Variants in RBM39 observed in about 807,000 individuals in gnomAD.
RBM39 encodes the protein RNA binding motif protein 39.
In RBM39, 12 loss-of-function variants were observed where a neutral mutation model predicts 79.6. The ratio of observed to expected loss-of-function variants is 0.15; its 90% CI spans 0.10 to 0.24. RBM39 has a LOEUF of 0.24. RBM39 is among the 10% of genes least tolerant of loss of function. The pLI is 1.00. For missense variants in RBM39, 243 were observed against 653.4 expected (o/e 0.37, Z 6.85); for synonymous variants, 185 against 208.4 (o/e 0.89, Z 0.97).
chr20:35,714,948 C>G (rs910363338), intron 10 of RBM39, among the ~76,000 whole-genome samples: 1 of 152,036 alleles, frequency 6.6e-6, no homozygotes, highest in African/African-American at 2.4e-5. Context: ...ACTAAAGTTA[C>G]TAGAATAAAA....
At chr20:35,730,377 G>A (rs547886305) in intron 4 of RBM39, among the ~76,000 whole-genome samples, 1 of 152,050 alleles carries the variant, frequency 6.6e-6, no homozygotes, top group East Asian at 1.9e-4. Context: ...AATACATAGT[G>A]GCCTGTGATC....
chr20:35,713,149 GTTTCCTGGGTCATTAATATCA>G, intron 11 of RBM39, 53 bp from the exon 12 acceptor site: 1 of 1,467,192 alleles, frequency 6.8e-7, no homozygotes, highest in South Asian at 1.2e-5. Flanking sequence ...GAGAAACGAA[GTTTCCTGGGTCATTAATATCA>G]TGATCACTTC....
intron 3 of RBM39, among the ~76,000 whole-genome samples, chr20:35,738,239 G>C (rs2040181660): frequency 1.3e-5 from 2 of 151,810 alleles, no homozygotes. Context: ...CTGCGCTCCA[G>C]CCTGGGCTAC....
intron 3 of RBM39, chr20:35,734,752 A>G (rs2039730203): frequency 1.6e-6 from 2 of 1,242,374 alleles, no homozygotes; most frequent in Non-Finnish European, 2.1e-6. Flanking sequence ...AGACATTCAG[A>G]AAATACAATC....
Position 35,738,466 on chromosome 20 carries a change from C to T in RBM39, c.101+502G>A, listed in dbSNP as rs147397268. Among the ~76,000 whole-genome samples the T allele has an allele frequency of 4.3e-3, 642 of 150,236 alleles. 9 individuals are homozygous for T. The highest frequency in any genetic ancestry group is 0.015 in the African/African-American group (605 of 40,132). On this transcript the variant is annotated intron_variant, in intron 3 of 16. Coordinates refer to ENST00000253363, the MANE Select transcript of RBM39 (RefSeq NM_184234.3). ...TTTAAAAGGCCTAAGATAATGAAAG[C>T]CACCTTTAGAAGTACTTAAGTACCT... is the stretch of plus-strand genomic sequence containing the variant.
chr20:35,738,301 A>G (rs530198371), intron 3 of RBM39, among the ~76,000 whole-genome samples: 54 of 152,360 alleles, frequency 3.5e-4, no homozygotes, highest in Non-Finnish European at 6.9e-4. Context: ...GGATCTCATC[A>G]TATCTGTTAC....
intron 6 of RBM39, among the ~76,000 whole-genome samples, chr20:35,726,458 G>C (rs2146643681): frequency 6.6e-6 from 1 of 152,106 alleles, no homozygotes; most frequent in African/African-American, 2.4e-5. Context: ...CTAAAACAAG[G>C]GTCAACCAGA....
chr20:35,721,114 T>C (rs2037884044), intron 9 of RBM39, among the ~76,000 whole-genome samples: 1 of 152,078 alleles, frequency 6.6e-6, no homozygotes, highest in Non-Finnish European at 1.5e-5. Context: ...CTAATTTTTG[T>C]ATTTTTAACA....
In RBM39 at chr20:35,721,786, T is replaced by C; in HGVS notation, c.779A>G (p.Asn260Ser). 1.2e-6 allele frequency: 2 copies of C among 1,614,222 alleles called. No individual in the cohort carries two copies. The highest frequency in any genetic ancestry group is 8.5e-7 in the Non-Finnish European group (1 of 1,180,026). Residue 260 changes from asparagine to serine, a missense_variant, in exon 9 of 17, where the codon AAC (asparagine) becomes AGC (serine). Asn to Ser is a conservative substitution (Grantham distance 46, BLOSUM62 1). Transcript: ENST00000253363. ...CCCACGAAGCATATCTTCAGTTATG[T>C]TGAAGTGTAATGAGCCCACATAAAG... is the stretch of plus-strand genomic sequence containing the variant. ...MRLYVGSLHF[N>S]ITEDMLRGIF...
rs577034910 is a variant in RBM39, at chr20:35,702,627, T to A, written c.*1854A>T. 6.6e-6 allele frequency: 1 copy of A among 152,242 alleles called. No individual in the cohort carries two copies. Among genetic ancestry groups the A allele is most frequent in the African/African-American group, 2.4e-5 (1 of 41,458 alleles). The allele number at this position is 152,242 out of a possible 1,614,324, so 9.4% of individuals were successfully genotyped here. On this transcript the variant is annotated 3_prime_UTR_variant, in exon 17 of 17. Coordinates refer to ENST00000253363, the MANE Select transcript of RBM39 (RefSeq NM_184234.3). ...CTCTGCCCCAAAGAACTCTGCAGTC[T>A]GGTATTGAAAAGTAAATTTTCAATG...
chr20:35,707,272 C>T (rs1352653898), intron 13 of RBM39, 71 bp from the exon 14 acceptor site: 12 of 1,127,942 alleles, frequency 1.1e-5, no homozygotes, highest in African/African-American at 1.6e-5. Flanking sequence ...TACTTTAAAA[C>T]GAAACCAAAA....
At chr20:35,734,745 C>A in intron 3 of RBM39, 1 of 1,188,522 alleles carries the variant, frequency 8.4e-7, no homozygotes, top group Non-Finnish European at 1.1e-6. Flanking sequence ...CATACTAAGA[C>A]ATTCAGAAAA....
intron 9 of RBM39, among the ~76,000 whole-genome samples, chr20:35,720,750 C>G (rs533929494): frequency 6.6e-5 from 10 of 152,216 alleles, no homozygotes; most frequent in Admixed American, 5.9e-4. Context: ...CCAGCCTGGG[C>G]AGCAGAATAA....
rs768600562 is a variant in RBM39, at chr20:35,701,849, G to C, written c.*2632C>G. ...TTGACCTCATGATCCACCCGCCTCCGCCTCCCAGTGTTCACATATACAGGC... is the reference window on the plus strand; with the variant it reads ...TTGACCTCATGATCCACCCGCCTCCCCCTCCCAGTGTTCACATATACAGGC... On this transcript the variant is annotated 3_prime_UTR_variant, in exon 17 of 17. Transcript: ENST00000253363. The C allele has an allele frequency of 2.6e-5, 4 of 152,046 alleles. No homozygotes were observed. Among genetic ancestry groups the C allele is most frequent in the African/African-American group, 9.7e-5 (4 of 41,374 alleles). 9.4% of individuals were successfully genotyped at this position (152,046 alleles called of 1,614,324 possible). A position where few individuals can be genotyped will look rare whatever the true frequency, so the allele number is the denominator to read the frequency against.
rs570945882 is a variant in RBM39 at position 35,725,122 on chromosome 20, T to C, written c.450A>G (p.Arg150=). 1.9e-6 allele frequency: 3 copies of C among 1,610,902 alleles called. No individual in the cohort carries two copies. Among genetic ancestry groups the C allele is most frequent in the Middle Eastern group, 2.2e-4 (1 of 4,614 alleles). The change falls in exon 7 of 17, where the codon AGA becomes AGG. Residue 150 remains arginine (R), a synonymous_variant. Transcript: ENST00000253363. Reference sequence around the variant, plus strand: ...GCATACAGAAGACTGTCCTTGCATCTCTTTCCTCAGGAGTTAAATTATCAA... The same window carrying C: ...GCATACAGAAGACTGTCCTTGCATCCCTTTCCTCAGGAGTTAAATTATCAA... The part of the protein sequence containing the change: ...EPIDNLTPEE[R]DARTVFCMQL...
At chr20:35,732,186 A>C in intron 3 of RBM39, 51 bp from the exon 4 acceptor site, 9 of 1,495,102 alleles carry the variant, frequency 6.0e-6, no homozygotes, top group Non-Finnish European at 8.4e-6. Flanking sequence ...AACCCACCAA[A>C]ATATACTACC....
At chr20:35,739,780 CAAG>C (rs1318511412) in intron 2 of RBM39, 2 of 259,674 alleles carry the variant, frequency 7.7e-6, no homozygotes, top group African/African-American at 4.5e-5. Context: ...TTAAATCTAT[CAAG>C]AATTCATCCA....
In RBM39 at chr20:35,702,310, CAG is replaced by C. The variant is rs1359046008; in HGVS notation, c.*2169_*2170del. 2.0e-5 allele frequency: 3 copies of C among 152,346 alleles called. No individual in the cohort carries two copies. The highest frequency in any genetic ancestry group is 3.9e-4 in the East Asian group (2 of 5,188). 9.4% of individuals were successfully genotyped at this position (152,346 alleles called of 1,614,324 possible). On this transcript the variant is annotated 3_prime_UTR_variant, in exon 17 of 17. Coordinates refer to ENST00000253363, the MANE Select transcript of RBM39 (RefSeq NM_184234.3). ...TTTTCGAACCAGTGGGATGCTGACTCAGGAACTGATTGGACATAAACAGTTTC... is the reference window on the plus strand; with the variant it reads ...TTTTCGAACCAGTGGGATGCTGACTCGAACTGATTGGACATAAACAGTTTC...
At chr20:35,707,234 G>C in intron 13 of RBM39, 33 bp from the exon 14 acceptor site, 2 of 1,468,100 alleles carry the variant, frequency 1.4e-6, no homozygotes, top group Non-Finnish European at 1.9e-6. Flanking sequence ...TAGTTTCATG[G>C]AAAATGCATG....
Sources: allele counts gnomAD v4.1 joint callset (sites outside exome capture counted in the v4.1 genomes callset), GRCh38; gene constraint gnomAD v4.1.1; transcripts MANE v1.5; gene names NCBI Gene and HGNC (gene_info 2026-07-23, HGNC 2026-07-21).